SPEG: variants seen among roughly 807,000 people sequenced by gnomAD.
SPEG encodes striated muscle preferentially expressed protein kinase.
Under a neutral mutation model 300.4 loss-of-function variants are expected in SPEG, and 114 were observed. The ratio of observed to expected loss-of-function variants is 0.38; its 90% confidence interval spans 0.33 to 0.44. The LOEUF (loss-of-function observed/expected upper bound fraction) is 0.44, where lower values mean the gene tolerates loss of function less well. Among genes scored for constraint, SPEG ranks in the 20% least tolerant of loss-of-function variants. The pLI is 1.00. For synonymous variants in SPEG, 1,964 were observed against 2,018.9 expected (o/e 0.97, Z 0.73); for missense variants, 4,201 against 4,586.2 (o/e 0.92, Z 2.43).
rs761718958 is a variant in SPEG, at chr2:219,473,118, G to C, written c.4147+22G>C. On this transcript the variant is annotated intron_variant, in intron 16 of 40. Transcript: ENST00000312358. The surrounding 1 kb of genome is among the most constrained non-coding windows in gnomAD (Gnocchi z 4.6). ...CACGGTGAGCCTGGGTGCTCCTGTCGGGTGGGGGTGGGAGCTGCTGGGATG... is the reference window on the plus strand; with the variant it reads ...CACGGTGAGCCTGGGTGCTCCTGTCCGGTGGGGGTGGGAGCTGCTGGGATG... 6.2e-7 allele frequency: 1 copy of C among 1,605,792 alleles called. No homozygotes were observed. Among genetic ancestry groups the C allele is most frequent in the Non-Finnish European group, 8.5e-7 (1 of 1,175,512 alleles).
At chr2:219,461,761 C>A in intron 6 of SPEG, 121 bp from the exon 7 acceptor site, 1 of 1,103,156 alleles carries the variant, frequency 9.1e-7, no homozygotes, top group Non-Finnish European at 1.3e-6. Flanking sequence ...GGGGTGAAGT[C>A]AGGGCAGGGC....
intron 6 of SPEG, among the ~76,000 whole-genome samples, chr2:219,456,610 A>G (rs899988348): frequency 6.6e-6 from 1 of 152,208 alleles, no homozygotes; most frequent in African/African-American, 2.4e-5. Flanking sequence ...ACATAGTCAT[A>G]TATAAGAAAT....
chr2:219,441,604 G>T (rs910295003), intron 1 of SPEG: 2 of 470,418 alleles, frequency 4.3e-6, no homozygotes, highest in African/African-American at 4.0e-5. Flanking sequence ...GGTGAGGGTG[G>T]GAGGAGGCTG....
chr2:219,461,750 G>T, intron 6 of SPEG, 132 bp from the exon 7 acceptor site: 1 of 1,020,088 alleles, frequency 9.8e-7, no homozygotes, highest in Non-Finnish European at 1.5e-6. Flanking sequence ...GCAGGAGCCT[G>T]GGGGTGAAGT....
Position 219,472,336 on chromosome 2 carries a change from G to A in SPEG, c.3940+5G>A, listed in dbSNP as rs1289890866. On this transcript the variant is annotated splice_donor_5th_base_variant and intron_variant, in intron 15 of 40. Transcript: ENST00000312358. ...GGAGTCTGGACATGGCCATCGGTGG[G>A]TCAGGGCTGCACAGGGCCATGGGTG... The A allele has an allele frequency of 6.2e-7, 1 of 1,612,216 alleles. No homozygotes were observed. Among genetic ancestry groups the A allele is most frequent in the Non-Finnish European group, 8.5e-7 (1 of 1,178,838 alleles).
chr2:219,445,233 A>C lies in SPEG; in HGVS notation c.815+72A>C. On this transcript the variant is annotated intron_variant, in intron 3 of 40. Coordinates refer to ENST00000312358, the MANE Select transcript of SPEG (RefSeq NM_005876.5). This position sits in a 1 kb window ranked among gnomAD's most constrained non-coding sequence, Gnocchi z 6.1. ...CTGTCCTGCGCTGCCCTCACTGCTC[A>C]GTCAGCCTCCACCCATCACCCTGCC... The C allele has an allele frequency of 7.2e-7, 1 of 1,382,834 alleles. No individual in the cohort carries two copies. The highest frequency in any genetic ancestry group is 1.0e-6 in the Non-Finnish European group (1 of 996,262). 85.7% of individuals were successfully genotyped at this position (1,382,834 alleles called of 1,614,324 possible). A position where few individuals can be genotyped will look rare whatever the true frequency, so the allele number is the denominator to read the frequency against.
Position 219,443,161 on chromosome 2 carries a change from C to G in SPEG, c.389-1492C>G, listed in dbSNP as rs746523241. ...GCCGACTCACCCATGGTGCGTGGAC[C>G]GTGGGCGTCCTTGCTCTAGCCCATG... On this transcript the variant is annotated intron_variant, in intron 1 of 40. Transcript: ENST00000312358. This position sits in a 1 kb window ranked among gnomAD's most constrained non-coding sequence, Gnocchi z 4.6. 3 of 1,612,486 alleles carry G rather than the reference C, an allele frequency of 1.9e-6. No homozygotes were observed. In the South Asian group the frequency reaches 3.3e-5, roughly 18 times the overall value.
chr2:219,464,877 C>A lies in SPEG; in HGVS notation c.2881+269C>A. The A allele has an allele frequency of 2.2e-6, 1 of 454,270 alleles. No homozygotes were observed. Among genetic ancestry groups the A allele is most frequent in the Non-Finnish European group, 4.0e-6 (1 of 251,926 alleles). The allele number at this position is 454,270 out of a possible 1,614,324, so 28.1% of individuals were successfully genotyped here. On this transcript the variant is annotated intron_variant, in intron 9 of 40. Coordinates refer to ENST00000312358, the MANE Select transcript of SPEG (RefSeq NM_005876.5). The surrounding 1 kb of genome is among the most constrained non-coding windows in gnomAD (Gnocchi z 4.5). The stretch of plus-strand genomic sequence containing the variant: ...CTCCATCACGGAGCCCTGGCGGCAG[C>A]CAGAGACCCTGCACCTGCCACTGGC...
chr2:219,444,077 G>C lies in SPEG; in HGVS notation c.389-576G>C. Reference sequence around the variant, plus strand: ...AAGTTACGGTAGGAAACTGGCTCCTGCTCTAGCCCCCCGCATCCCCCCCTT... The same window carrying C: ...AAGTTACGGTAGGAAACTGGCTCCTCCTCTAGCCCCCCGCATCCCCCCCTT... On this transcript the variant is annotated intron_variant, in intron 1 of 40. Transcript: ENST00000312358. This position sits in a 1 kb window ranked among gnomAD's most constrained non-coding sequence, Gnocchi z 7.8. The C allele has an allele frequency of 2.2e-6, 3 of 1,363,094 alleles. No homozygotes were observed. The highest frequency in any genetic ancestry group is 2.9e-6 in the Non-Finnish European group (3 of 1,020,410). The allele number at this position is 1,363,094 out of a possible 1,614,324, so 84.4% of individuals were successfully genotyped here. A position where few individuals can be genotyped will look rare whatever the true frequency, so the allele number is the denominator to read the frequency against.
intron 1 of SPEG, chr2:219,442,118 G>A: frequency 1.7e-6 from 2 of 1,173,380 alleles, no homozygotes; most frequent in Non-Finnish European, 2.1e-6. Flanking sequence ...GCCGGGAGGG[G>A]GCAGGGAGGC....
At chr2:219,460,184 C>A in intron 6 of SPEG, 1 of 546,704 alleles carries the variant, frequency 1.8e-6, no homozygotes, top group Non-Finnish European at 2.3e-6. Flanking sequence ...CCTGTGGTGG[C>A]TGCTGGCCAG....
chr2:219,447,689 G>C (rs1007936259), intron 3 of SPEG, among the ~76,000 whole-genome samples: 10 of 151,632 alleles, frequency 6.6e-5, no homozygotes, highest in African/African-American at 2.4e-4. Context: ...GCTGTTTCTC[G>C]GCTTCCAGGG....
chr2:219,485,343 C>T lies in SPEG; in HGVS notation c.7610-3C>T, dbSNP rs1485940700. On this transcript the variant is annotated splice_region_variant and splice_polypyrimidine_tract_variant and intron_variant, in intron 30 of 40. Coordinates refer to ENST00000312358, the MANE Select transcript of SPEG (RefSeq NM_005876.5). ...AAATACTCACGGGCCTGAGTCTTCA[C>T]AGCCCCAGGGGAAAGCCGAAGCCGG... is the stretch of plus-strand genomic sequence containing the variant. 4.4e-6 allele frequency: 7 copies of T among 1,604,096 alleles called. No homozygotes were observed. The highest frequency in any genetic ancestry group is 6.0e-6 in the Non-Finnish European group (7 of 1,175,576).
chr2:219,461,260 C>G (rs1377125584), intron 6 of SPEG: 7 of 985,766 alleles, frequency 7.1e-6, no homozygotes, highest in African/African-American at 3.5e-5. Flanking sequence ...TCCTATCCCT[C>G]GAGCGTTTGG....
At chr2:219,486,478 A>G (rs1347875158) in intron 31 of SPEG, among the ~76,000 whole-genome samples, 1 of 151,902 alleles carries the variant, frequency 6.6e-6, no homozygotes, top group Non-Finnish European at 1.5e-5. Context: ...AGGGGGCTGC[A>G]GTGAGAGAAA....
At chr2:219,453,619 G>C (rs375782785) in intron 6 of SPEG, among the ~76,000 whole-genome samples, 2 of 152,150 alleles carry the variant, frequency 1.3e-5, no homozygotes, top group Non-Finnish European at 2.9e-5. Context: ...ACAGCATCTC[G>C]GCACCTCTGC....
chr2:219,478,054 A>T lies in SPEG; in HGVS notation c.4976A>T (p.Tyr1659Phe). Residue 1659 changes from tyrosine (Y) to phenylalanine (F), a missense_variant, in exon 22 of 41, where the codon TAC (tyrosine) becomes TTC (phenylalanine). Physicochemically the swap from Tyr to Phe is conservative, Grantham distance 22. Coordinates refer to ENST00000312358, the MANE Select transcript of SPEG (RefSeq NM_005876.5). ...AGGCTCCAGCACGACTGTGTCCTCT[A>T]CTTCCATGAGGCCTTCGAGAGGCGC... ...LARLQHDCVL[Y>F]FHEAFERRRG... 1 of 1,614,164 alleles carries T rather than the reference A, an allele frequency of 6.2e-7. No homozygotes were observed. The highest frequency in any genetic ancestry group is 8.5e-7 in the Non-Finnish European group (1 of 1,180,022).
chr2:219,477,503 C>T lies in SPEG; in HGVS notation c.4729+58C>T, dbSNP rs573711750. On this transcript the variant is annotated intron_variant, in intron 20 of 40. Transcript: ENST00000312358. This position sits in a 1 kb window ranked among gnomAD's most constrained non-coding sequence, Gnocchi z 6.4. ...ACACCCCCTGGAATCTGATGTGACC[C>T]TCCATGCTCTGCCCAGGAAGCAGCC... 5.8e-4 allele frequency: 864 copies of T among 1,496,290 alleles called. 2 individuals carry two copies. Among genetic ancestry groups the T allele is most frequent in the South Asian group, 6.5e-4 (49 of 75,430 alleles). The allele number at this position is 1,496,290 out of a possible 1,614,324, so 92.7% of individuals were successfully genotyped here. A position where few individuals can be genotyped will look rare whatever the true frequency, so the allele number is the denominator to read the frequency against.
At chr2:219,436,381 G>C (rs915108663) in intron 1 of SPEG, among the ~76,000 whole-genome samples, 1 of 152,256 alleles carries the variant, frequency 6.6e-6, no homozygotes, top group Non-Finnish European at 1.5e-5. Flanking sequence ...TCTAGCCAAA[G>C]GCAGAGCCTT....
Sources: allele counts gnomAD v4.1 joint callset (sites outside exome capture counted in the v4.1 genomes callset), GRCh38; gene constraint gnomAD v4.1.1; non-coding constraint Gnocchi (gnomAD v3.1); transcripts MANE v1.5; gene names NCBI Gene and HGNC (gene_info 2026-07-23, HGNC 2026-07-21).